The following MKLN1 variants were observed in gnomAD, a reference collection of about 807,000 sequenced individuals.
MKLN1 encodes muskelin 1.
MKLN1 carries 18 observed loss-of-function variants against 99.0 expected under a neutral mutation model. That is an observed-to-expected ratio of 0.18 (90% confidence interval 0.13 to 0.27). The LOEUF is 0.27. Ranked by LOEUF, MKLN1 falls within the 10% of genes least tolerant of loss-of-function variation. MKLN1 has a pLI of 1.00. For synonymous variants in MKLN1, 288 were observed against 293.2 expected (o/e 0.98, Z 0.18); for missense variants, 621 against 875.9 (o/e 0.71, Z 3.67).
At chr7:131,317,750 C>T (rs6977906) in intron 3 of MKLN1, among the ~76,000 whole-genome samples, 1,263 of 85,890 alleles carry the variant, frequency 0.015, 31 homozygotes, top group African/African-American at 0.055. Flanking sequence ...AATAAAGGGA[C>T]GAGCAAATGG....
At chr7:131,462,867 A>T (rs1318329648) in intron 12 of MKLN1, among the ~76,000 whole-genome samples, 1 of 152,216 alleles carries the variant, frequency 6.6e-6, no homozygotes, top group Non-Finnish European at 1.5e-5. Context: ...CTCACCTGTA[A>T]CACCAGCACT....
intron 2 of MKLN1, among the ~76,000 whole-genome samples, chr7:131,149,324 T>C (rs1430557029): frequency 2.6e-5 from 4 of 152,214 alleles, no homozygotes; most frequent in African/African-American, 9.6e-5. Context: ...AAGTATCATG[T>C]AACCTGTCTT....
At chr7:131,403,386 T>C (rs372505703) in intron 6 of MKLN1, among the ~76,000 whole-genome samples, 1 of 152,198 alleles carries the variant, frequency 6.6e-6, no homozygotes, top group Non-Finnish European at 1.5e-5. Context: ...GTGTTATGAC[T>C]GGTTTAATCT....
intron 1 of MKLN1, among the ~76,000 whole-genome samples, chr7:131,370,533 C>T (rs1800317215): frequency 6.7e-6 from 1 of 148,986 alleles, no homozygotes; most frequent in South Asian, 2.1e-4. Context: ...AAACTTTTTA[C>T]ATTGTATACT....
At chr7:131,133,395 C>T (rs1795591797) in intron 1 of MKLN1, among the ~76,000 whole-genome samples, 2 of 132,412 alleles carry the variant, frequency 1.5e-5, no homozygotes, top group Admixed American at 8.2e-5. Context: ...CACTATGTCT[C>T]CCAGGCTGGA....
chr7:131,339,965 G>A lies in MKLN1; in HGVS notation c.98+11968G>A, dbSNP rs914370349. Among the ~76,000 whole-genome samples the A allele has an allele frequency of 3.3e-5, 5 of 150,292 alleles. No homozygotes were observed. In the South Asian group the frequency reaches 8.4e-4, roughly 25 times the overall value. On this transcript the variant is annotated intron_variant, in intron 1 of 17. Transcript: ENST00000352689. ...GGCCAGTATCACCTATGTATTTTTTGTTAAAGAAGTTGTCTTATATACATA... is the reference window on the plus strand; with the variant it reads ...GGCCAGTATCACCTATGTATTTTTTATTAAAGAAGTTGTCTTATATACATA...
intron 3 of MKLN1, among the ~76,000 whole-genome samples, chr7:131,253,396 A>G (rs1797611124): frequency 6.6e-6 from 1 of 152,192 alleles, no homozygotes; most frequent in Non-Finnish European, 1.5e-5. Flanking sequence ...GTGGAGGCTA[A>G]GTCCTAGGCA....
At chr7:131,469,983 C>A (rs1002932706) in intron 15 of MKLN1, among the ~76,000 whole-genome samples, 4 of 151,864 alleles carry the variant, frequency 2.6e-5, no homozygotes, top group Non-Finnish European at 5.9e-5. Flanking sequence ...TCAAGCAGTC[C>A]TCCCACCTTA....
intron 13 of MKLN1, among the ~76,000 whole-genome samples, chr7:131,463,763 A>G (rs1299723844): frequency 7.9e-5 from 12 of 152,342 alleles, no homozygotes; most frequent in African/African-American, 2.4e-4. Flanking sequence ...CTTTTGTGTC[A>G]TAGAGCATCC....
Position 131,247,235 on chromosome 7 carries a change from C to CTTTTTTTTTT in MKLN1, c.-179+44266_-179+44275dup, listed in dbSNP as rs72068521. Among the ~76,000 whole-genome samples the CTTTTTTTTTT allele has an allele frequency of 1.2e-3, 176 of 141,150 alleles. 3 individuals carry two copies. The highest frequency in any genetic ancestry group is 0.012 in the East Asian group (57 of 4,658). The allele number at this position is 141,150 out of a possible 152,430, so 92.6% of individuals were successfully genotyped here. ...TTACCTTTTCTTCTTTTTCTTTTTT[C>CTTTTTTTTTT]TTTTTTTTTTTTTTGTCACCATGGC... On this transcript the variant is annotated intron_variant, in intron 3 of 7. Transcript: ENST00000416992.
At chr7:131,388,528 CTG>C (rs1331612283) in intron 3 of MKLN1, among the ~76,000 whole-genome samples, 1 of 152,198 alleles carries the variant, frequency 6.6e-6, no homozygotes, top group Non-Finnish European at 1.5e-5. Flanking sequence ...TCAGATTTGA[CTG>C]TGAATTATTT....
At chr7:131,298,144 G>C (rs553460951) in intron 3 of MKLN1, among the ~76,000 whole-genome samples, 1 of 152,106 alleles carries the variant, frequency 6.6e-6, no homozygotes, top group Admixed American at 6.5e-5. Context: ...GGTGGCAGGC[G>C]CCTGTAGTCC....
intron 1 of MKLN1, among the ~76,000 whole-genome samples, chr7:131,329,194 A>G (rs1008675646): frequency 1.3e-5 from 2 of 152,232 alleles, no homozygotes; most frequent in Non-Finnish European, 1.5e-5. Context: ...TTCACTGGTT[A>G]TATCAATGAA....
intron 1 of MKLN1, among the ~76,000 whole-genome samples, chr7:131,352,919 A>G (rs994904040): frequency 6.6e-6 from 1 of 152,144 alleles, no homozygotes; most frequent in Non-Finnish European, 1.5e-5. Flanking sequence ...AACACTTTTT[A>G]TTCCCTTTAC....
intron 2 of MKLN1, among the ~76,000 whole-genome samples, chr7:131,176,460 G>A (rs1373325845): frequency 6.6e-6 from 1 of 152,014 alleles, no homozygotes; most frequent in Non-Finnish European, 1.5e-5. Context: ...TGTATCTTTT[G>A]GGGAGCTATA....
intron 1 of MKLN1, among the ~76,000 whole-genome samples, chr7:131,134,369 C>T (rs62472609): frequency 3.9e-5 from 6 of 152,072 alleles, no homozygotes; most frequent in East Asian, 1.9e-4. Context: ...CAGTGTTCTT[C>T]GCTTGGTCCT....
At chr7:131,280,077 G>T (rs1450223039) in intron 3 of MKLN1, among the ~76,000 whole-genome samples, 1 of 152,098 alleles carries the variant, frequency 6.6e-6, no homozygotes, top group East Asian at 1.9e-4. Context: ...ATAGTCTTTT[G>T]AGACAGGGTT....
chr7:131,196,952 T>C (rs140829070), intron 2 of MKLN1, among the ~76,000 whole-genome samples: 21 of 152,310 alleles, frequency 1.4e-4, no homozygotes, highest in East Asian at 1.2e-3. Flanking sequence ...CCAAATGCCG[T>C]GACAAGTCTC....
intron 2 of MKLN1, among the ~76,000 whole-genome samples, chr7:131,159,275 T>C: frequency 6.6e-6 from 1 of 152,158 alleles, no homozygotes; most frequent in East Asian, 1.9e-4. Context: ...GGTTCACTTA[T>C]GAAATATCTA....
Sources: gnomAD v4.1 joint callset for allele counts (sites outside exome capture counted in the v4.1 genomes callset) on GRCh38, gnomAD v4.1.1 for gene constraint, MANE v1.5 for transcripts, NCBI Gene and HGNC (gene_info 2026-07-23, HGNC 2026-07-21) for gene names.